CDKL3: variants seen among roughly 807,000 people sequenced by gnomAD.
The protein encoded by CDKL3 is cyclin-dependent kinase-like 3.
Under a neutral mutation model 69.3 loss-of-function variants are expected in CDKL3, and 65 were observed. That is an observed-to-expected ratio of 0.94 (90% confidence interval 0.77 to 1.15). The LOEUF (loss-of-function observed/expected upper bound fraction) is 1.15, where lower values mean the gene tolerates loss of function less well. Among genes scored for constraint, CDKL3 ranks in the 50% most tolerant of loss-of-function variants. The probability of loss-of-function intolerance (pLI) is 0.00; values close to 1 mark genes in which losing one functional copy is unlikely to be tolerated. For synonymous variants in CDKL3, 202 were observed against 221.6 expected, an observed-to-expected ratio of 0.91 and a Z score of 0.79; for missense variants, 652 against 689.2, an observed-to-expected ratio of 0.95 and a Z score of 0.61.
intron 8 of CDKL3, among the ~76,000 whole-genome samples, chr5:134,290,426 GC>G (rs1765080876): frequency 1.3e-5 from 2 of 149,098 alleles, no homozygotes; most frequent in African/African-American, 4.9e-5. Flanking sequence ...TCGTGTAGAT[GC>G]ATGAGGAAAG....
intron 4 of CDKL3, among the ~76,000 whole-genome samples, chr5:134,323,216 T>G (rs1181307691): frequency 1.3e-5 from 2 of 152,162 alleles, no homozygotes; most frequent in African/African-American, 4.8e-5. Context: ...AAATTAAAAA[T>G]TGATAATTAT....
chr5:134,363,747 C>G (rs1756645369), intron 2 of CDKL3, among the ~76,000 whole-genome samples: 1 of 151,896 alleles, frequency 6.6e-6, no homozygotes, highest in Admixed American at 6.6e-5. Context: ...TGGCGTGAAC[C>G]ACCGCGCCCA....
chr5:134,371,401 G>C, upstream of CDKL3: 2 of 733,724 alleles, frequency 2.7e-6, no homozygotes, highest in Non-Finnish European at 4.4e-6. Flanking sequence ...CACTCACACT[G>C]TGGTAGCGGC....
intron 10 of CDKL3, among the ~76,000 whole-genome samples, chr5:134,304,837 AT>A (rs1367414866): frequency 2.4e-4 from 35 of 148,418 alleles, no homozygotes; most frequent in African/African-American, 5.7e-4. Flanking sequence ...TAATAATATT[AT>A]TATTATTATT....
chr5:134,371,434 C>T, upstream of CDKL3: 1 of 873,414 alleles, frequency 1.1e-6, no homozygotes, highest in South Asian at 1.6e-5. Context: ...GATCCGGAGG[C>T]GGCGGAGGGA....
In CDKL3 at chr5:134,290,255, G is replaced by A. The variant is rs187469791; in HGVS notation, c.*678-3696C>T. Among the ~76,000 whole-genome samples, 17 of 150,634 alleles carry A rather than the reference G, an allele frequency of 1.1e-4. No individual in the cohort carries two copies. In the East Asian group the frequency reaches 3.4e-3, roughly 30 times the overall value. The stretch of plus-strand genomic sequence containing the variant: ...TGTAATCCCAGGTACTCGGGAGACT[G>A]AGGCAGGAGAATCTCTTGAACCAGG... On this transcript the variant is annotated intron_variant and NMD_transcript_variant, in intron 8 of 8. Coordinates refer to the CDKL3 transcript ENST00000519312.
At chr5:134,292,005 C>A (rs1307715425) in intron 8 of CDKL3, among the ~76,000 whole-genome samples, 1 of 152,028 alleles carries the variant, frequency 6.6e-6, no homozygotes, top group Non-Finnish European at 1.5e-5. Context: ...ATGAAAAGAG[C>A]AACAGACAAA....
At chr5:134,297,874 C>T (rs183455410), downstream of CDKL3, among the ~76,000 whole-genome samples, 487 of 142,794 alleles carry the variant, frequency 3.4e-3, 2 homozygotes, top group African/African-American at 0.012. Context: ...AGCCACTGTG[C>T]CCAACCATGA....
chr5:134,361,045 T>A (rs962369250), intron 2 of CDKL3, among the ~76,000 whole-genome samples: 1 of 152,196 alleles, frequency 6.6e-6, no homozygotes, highest in Non-Finnish European at 1.5e-5. Flanking sequence ...ACCACCTTTT[T>A]AGACTGGCAA....
intron 2 of CDKL3, among the ~76,000 whole-genome samples, chr5:134,363,803 C>T (rs1323803496): frequency 1.3e-5 from 2 of 151,754 alleles, no homozygotes; most frequent in African/African-American, 4.8e-5. Flanking sequence ...TATATTTCCT[C>T]AAATTAGGCC....
chr5:134,352,646 G>T (rs1753610227), intron 3 of CDKL3, among the ~76,000 whole-genome samples: 1 of 151,862 alleles, frequency 6.6e-6, no homozygotes. Flanking sequence ...ACATGGTTTT[G>T]CCATGTTGCC....
At chr5:134,351,035 T>A (rs1022304276) in intron 3 of CDKL3, among the ~76,000 whole-genome samples, 2 of 152,206 alleles carry the variant, frequency 1.3e-5, no homozygotes, top group Non-Finnish European at 2.9e-5. Context: ...CTTTTGTTCC[T>A]ACATTGCATT....
upstream of CDKL3, chr5:134,371,506 A>G: frequency 6.8e-7 from 1 of 1,462,398 alleles, no homozygotes; most frequent in Non-Finnish European, 9.1e-7. Context: ...GGCGGCGGCG[A>G]TCCACAGTGA....
intron 2 of CDKL3, among the ~76,000 whole-genome samples, chr5:134,363,860 A>G (rs921779940): frequency 2.6e-5 from 4 of 151,816 alleles, no homozygotes; most frequent in Non-Finnish European, 5.9e-5. Context: ...CACAGGTCCA[A>G]GACAGGAAGA....
At chr5:134,302,108 G>T (rs1766502616) in intron 12 of CDKL3, 1 of 455,736 alleles carries the variant, frequency 2.2e-6, no homozygotes, top group Non-Finnish European at 4.4e-6. Context: ...CTCTCTGGTG[G>T]GTAGGGACTG....
intron 12 of CDKL3, among the ~76,000 whole-genome samples, chr5:134,301,841 C>G (rs998960412): frequency 6.6e-6 from 1 of 152,018 alleles, no homozygotes; most frequent in Admixed American, 6.6e-5. Flanking sequence ...GAGCCGAGAT[C>G]GCGCCACTGC....
chr5:134,287,551 C>T (rs1764924302), intron 8 of CDKL3, among the ~76,000 whole-genome samples: 2 of 152,224 alleles, frequency 1.3e-5, no homozygotes, highest in Admixed American at 1.3e-4. Context: ...TGCTACCCAA[C>T]AGATTTCAAG....
At chr5:134,329,187 A>T (rs1245405732) in intron 4 of CDKL3, among the ~76,000 whole-genome samples, 2 of 152,054 alleles carry the variant, frequency 1.3e-5, no homozygotes, top group African/African-American at 4.8e-5. Context: ...CAAAAAAATA[A>T]ATTAGGTGGG....
intron 4 of CDKL3, among the ~76,000 whole-genome samples, chr5:134,330,039 G>C (rs1449321563): frequency 1.3e-5 from 2 of 151,098 alleles, no homozygotes; most frequent in South Asian, 4.2e-4. Flanking sequence ...TAATAATAAT[G>C]ATACTCTAAG....
Sources: allele counts gnomAD v4.1 joint callset (sites outside exome capture counted in the v4.1 genomes callset), GRCh38; gene constraint gnomAD v4.1.1; transcripts MANE v1.5; gene names NCBI Gene and HGNC (gene_info 2026-07-23, HGNC 2026-07-21).